NFIA: variants seen among roughly 807,000 people sequenced by gnomAD.
The protein encoded by NFIA is nuclear factor I A.
NFIA carries 8 observed loss-of-function variants against 62.8 expected under a neutral mutation model. The ratio of observed to expected loss-of-function variants is 0.13; its 90% CI spans 0.07 to 0.23. The LOEUF is 0.23. NFIA is among the 10% of genes least tolerant of loss of function. The pLI, the probability that NFIA is intolerant of heterozygous loss-of-function variation, is 1.00. For missense variants in NFIA, 410 were observed against 642.1 expected, an observed-to-expected ratio of 0.64 and a Z score of 3.91; for synonymous variants, 235 against 238.1, an observed-to-expected ratio of 0.99 and a Z score of 0.12.
intron 2 of NFIA, among the ~76,000 whole-genome samples, chr1:61,112,679 TC>T (rs1443824922): frequency 6.6e-6 from 1 of 152,222 alleles, no homozygotes; most frequent in Non-Finnish European, 1.5e-5. Flanking sequence ...GCCATTAGCT[TC>T]CTAGAGGGTG....
intron 4 of NFIA, among the ~76,000 whole-genome samples, chr1:61,334,533 A>ATGTG (rs1176399144): frequency 2.3e-3 from 20 of 8,842 alleles, no homozygotes; most frequent in South Asian, 6.7e-3. Context: ...GTGTGTGTAT[A>ATGTG]TATGTGTGTG....
intron 4 of NFIA, among the ~76,000 whole-genome samples, chr1:61,344,985 T>C (rs561253819): frequency 6.6e-6 from 1 of 152,324 alleles, no homozygotes; most frequent in South Asian, 2.1e-4. Flanking sequence ...GGTTGGCTAC[T>C]AAAATAACCC....
At chr1:61,083,837 C>T (rs1412270441) in intron 1 of NFIA, among the ~76,000 whole-genome samples, 4 of 152,038 alleles carry the variant, frequency 2.6e-5, no homozygotes, top group African/African-American at 9.7e-5. Context: ...GCAACTTTTC[C>T]CCTCCGACTC....
intron 3 of NFIA, among the ~76,000 whole-genome samples, chr1:61,320,468 G>T (rs1023335214): frequency 5.3e-5 from 8 of 152,040 alleles, no homozygotes; most frequent in African/African-American, 1.9e-4. Flanking sequence ...TGCATTTTGT[G>T]GTTCTAAACA....
intron 2 of NFIA, among the ~76,000 whole-genome samples, chr1:61,257,875 TTC>T: frequency 1.6e-5 from 2 of 123,330 alleles, no homozygotes; most frequent in South Asian, 5.5e-4. Context: ...TTTTTTTTTT[TTC>T]TTTTTTTCTT....
intron 3 of NFIA, among the ~76,000 whole-genome samples, chr1:61,332,021 T>G (rs1661326435): frequency 6.6e-6 from 1 of 152,160 alleles, no homozygotes; most frequent in Non-Finnish European, 1.5e-5. Flanking sequence ...TATTTTGACT[T>G]TTTAAAAATT....
At chr1:61,135,092 T>C (rs761089238) in intron 2 of NFIA, among the ~76,000 whole-genome samples, 1 of 152,238 alleles carries the variant, frequency 6.6e-6, no homozygotes, top group African/African-American at 2.4e-5. Flanking sequence ...ACAAATAATA[T>C]GGAGGTTCTT....
At chr1:61,138,850 A>G (rs1207218055) in intron 2 of NFIA, among the ~76,000 whole-genome samples, 3 of 150,690 alleles carry the variant, frequency 2.0e-5, no homozygotes, top group Admixed American at 6.6e-5. Context: ...CCAAAGTGCT[A>G]CTATTACGGG....
chr1:61,092,156 A>G lies in NFIA; in HGVS notation c.559+3476A>G, dbSNP rs546281439. Among the ~76,000 whole-genome samples the G allele has an allele frequency of 4.6e-5, 7 of 152,332 alleles. No homozygotes were observed. In the South Asian group the frequency reaches 1.4e-3, roughly 32 times the overall value. On this transcript the variant is annotated intron_variant, in intron 2 of 10. Coordinates refer to ENST00000403491, the MANE Select transcript of NFIA (RefSeq NM_001134673.4). ...AGGCCTTTGCTAATTTTCAAGTGAC[A>G]TTAGGCCTAAAAGCTAAATCACAGT...
chr1:61,119,073 T>C (rs1646842756), intron 2 of NFIA, among the ~76,000 whole-genome samples: 1 of 152,190 alleles, frequency 6.6e-6, no homozygotes, highest in Admixed American at 6.5e-5. Flanking sequence ...GAAAAATTAT[T>C]ACAATAAATT....
At chr1:61,180,077 T>C (rs12409605) in intron 2 of NFIA, among the ~76,000 whole-genome samples, 23,216 of 152,080 alleles carry the variant, frequency 0.15, 2,783 homozygotes, top group African/African-American at 0.31. Context: ...GCAGCACCTC[T>C]TGACTCCTCA....
chr1:61,167,578 A>C (rs796259815), intron 2 of NFIA, among the ~76,000 whole-genome samples: 6 of 152,274 alleles, frequency 3.9e-5, no homozygotes, highest in African/African-American at 1.4e-4. Flanking sequence ...GATTATAATT[A>C]AGTCAGTCTG....
At chr1:61,280,601 C>T (rs578084244) in intron 3 of NFIA, among the ~76,000 whole-genome samples, 1 of 152,150 alleles carries the variant, frequency 6.6e-6, no homozygotes, top group African/African-American at 2.4e-5. Context: ...CATCCCAAAC[C>T]GTAAACTGGG....
rs147027959 is a variant in NFIA at position 61,424,202 on chromosome 1, T to G, written c.1421-2263T>G. On this transcript the variant is annotated intron_variant, in intron 9 of 10. Coordinates refer to ENST00000403491, the MANE Select transcript of NFIA (RefSeq NM_001134673.4). Reference sequence around the variant, plus strand: ...GATTGTTGGCCTCATAGAAATTTTGTGTAGCTAAAGTATTTGCATGCTAAA... The same window carrying G: ...GATTGTTGGCCTCATAGAAATTTTGGGTAGCTAAAGTATTTGCATGCTAAA... Among the ~76,000 whole-genome samples the G allele has an allele frequency of 1.6e-3, 245 of 152,288 alleles. 2 individuals carry two copies. Among genetic ancestry groups the G allele is most frequent in the African/African-American group, 5.3e-3 (222 of 41,564 alleles).
chr1:61,166,942 C>T (rs1003924619), intron 2 of NFIA, among the ~76,000 whole-genome samples: 18 of 152,134 alleles, frequency 1.2e-4, no homozygotes, highest in Middle Eastern at 3.2e-3. Flanking sequence ...GAGATCGAGA[C>T]CATCCTGGCT....
At chr1:61,408,086 A>G (rs1665933853) in intron 9 of NFIA, among the ~76,000 whole-genome samples, 1 of 152,258 alleles carries the variant, frequency 6.6e-6, no homozygotes, top group Non-Finnish European at 1.5e-5. Flanking sequence ...TGGGTTATCC[A>G]GTATTTATGC....
chr1:61,246,262 G>A (rs1007506161), intron 2 of NFIA, among the ~76,000 whole-genome samples: 8 of 152,078 alleles, frequency 5.3e-5, no homozygotes, highest in South Asian at 4.1e-4. Context: ...AGGATCTCTC[G>A]GAAAGTTGCC....
At chr1:61,226,717 T>C (rs576844273) in intron 2 of NFIA, among the ~76,000 whole-genome samples, 4 of 152,314 alleles carry the variant, frequency 2.6e-5, no homozygotes, top group Non-Finnish European at 4.4e-5. Flanking sequence ...AAAATTTTAT[T>C]TAACACTCAG....
intron 3 of NFIA, among the ~76,000 whole-genome samples, chr1:61,285,360 A>G (rs907072932): frequency 6.6e-6 from 1 of 152,200 alleles, no homozygotes; most frequent in Admixed American, 6.5e-5. Flanking sequence ...CTGCTTTTAA[A>G]TTTGAATGTG....
Sources: allele counts gnomAD v4.1 joint callset (sites outside exome capture counted in the v4.1 genomes callset), GRCh38; gene constraint gnomAD v4.1.1; transcripts MANE v1.5; gene names NCBI Gene and HGNC (gene_info 2026-07-23, HGNC 2026-07-21).